Variants in PTPRD observed in about 807,000 individuals in gnomAD.
The protein encoded by PTPRD is receptor-type tyrosine-protein phosphatase delta.
In PTPRD, 34 loss-of-function variants were observed where a neutral mutation model predicts 214.5. The ratio of observed to expected loss-of-function variants is 0.16; its 90% CI spans 0.12 to 0.21. The LOEUF is 0.21. Among genes scored for constraint, PTPRD ranks in the 10% least tolerant of loss-of-function variants. The pLI is 1.00. For synonymous variants in PTPRD, 1,128 were observed against 845.7 expected (o/e 1.33, Z -5.79); for missense variants, 2,545 against 2,398.7 (o/e 1.06, Z -1.27).
At chr9:9,088,472 C>T (rs558365768) in intron 10 of PTPRD, among the ~76,000 whole-genome samples, 39 of 145,654 alleles carry the variant, frequency 2.7e-4, no homozygotes, top group East Asian at 6.5e-4. Flanking sequence ...CCCAGCTACT[C>T]GGGAGGATGA....
At chr9:10,108,421 TTCTG>T (rs1184621600) in intron 3 of PTPRD, among the ~76,000 whole-genome samples, 4 of 152,060 alleles carry the variant, frequency 2.6e-5, no homozygotes, top group Non-Finnish European at 5.9e-5. Flanking sequence ...AACTAATTCC[TTCTG>T]TCTAACTGAA....
At chr9:9,731,089 G>T (rs1370283215) in intron 7 of PTPRD, among the ~76,000 whole-genome samples, 1 of 152,084 alleles carries the variant, frequency 6.6e-6, no homozygotes, top group East Asian at 1.9e-4. Flanking sequence ...GCTGCAATAA[G>T]ATTTTCTGTA....
At chr9:10,208,591 T>G (rs2099498348) in intron 3 of PTPRD, among the ~76,000 whole-genome samples, 1 of 152,336 alleles carries the variant, frequency 6.6e-6, no homozygotes, top group Middle Eastern at 3.4e-3. Context: ...TTCACTGCAG[T>G]TTTATCCAGA....
intron 11 of PTPRD, among the ~76,000 whole-genome samples, chr9:8,984,189 A>C (rs1160204073): frequency 6.6e-6 from 1 of 152,082 alleles, no homozygotes; most frequent in Non-Finnish European, 1.5e-5. Flanking sequence ...GAGATATTAA[A>C]TGTATTAAAT....
At chr9:8,729,258 T>A (rs1304523943) in intron 12 of PTPRD, among the ~76,000 whole-genome samples, 1 of 152,208 alleles carries the variant, frequency 6.6e-6, no homozygotes, top group Admixed American at 6.5e-5. Context: ...AGCCTTTTTT[T>A]AACCACTTTA....
At chr9:9,074,651 T>C (rs144355460) in intron 10 of PTPRD, among the ~76,000 whole-genome samples, 6 of 152,228 alleles carry the variant, frequency 3.9e-5, no homozygotes, top group Admixed American at 3.3e-4. Context: ...GTTTGCCATT[T>C]GTATGTCTTC....
chr9:8,711,735 T>C (rs1417145029), intron 12 of PTPRD, among the ~76,000 whole-genome samples: 1 of 152,180 alleles, frequency 6.6e-6, no homozygotes, highest in South Asian at 2.1e-4. Flanking sequence ...AGAAAGTCCA[T>C]AAACCACCAC....
intron 5 of PTPRD, among the ~76,000 whole-genome samples, chr9:9,891,734 A>G (rs1177484683): frequency 6.6e-6 from 1 of 152,132 alleles, no homozygotes; most frequent in Non-Finnish European, 1.5e-5. Context: ...TGTTTTAAGA[A>G]TAGTATGACT....
chr9:9,107,864 G>A (rs1031199305), intron 10 of PTPRD, among the ~76,000 whole-genome samples: 1 of 152,016 alleles, frequency 6.6e-6, no homozygotes, highest in Non-Finnish European at 1.5e-5. Flanking sequence ...CAACTTACAT[G>A]CCTTTATTTG....
At chr9:10,269,578 T>C (rs2094302570) in intron 3 of PTPRD, among the ~76,000 whole-genome samples, 1 of 152,184 alleles carries the variant, frequency 6.6e-6, no homozygotes. Flanking sequence ...CTAGTAAGAC[T>C]GTAAGCTGCT....
intron 9 of PTPRD, among the ~76,000 whole-genome samples, chr9:9,332,706 G>A (rs1397273961): frequency 1.3e-5 from 2 of 151,696 alleles, no homozygotes; most frequent in African/African-American, 2.4e-5. Flanking sequence ...GTTCACAGCT[G>A]TGCTTATACT....
At chr9:9,572,600 T>G in intron 8 of PTPRD, among the ~76,000 whole-genome samples, 1 of 146,200 alleles carries the variant, frequency 6.8e-6, no homozygotes, top group South Asian at 2.1e-4. Context: ...TATGTATATG[T>G]GTATATATAT....
chr9:9,519,508 G>T (rs1380117449), intron 8 of PTPRD, among the ~76,000 whole-genome samples: 1 of 151,868 alleles, frequency 6.6e-6, no homozygotes, highest in African/African-American at 2.4e-5. Flanking sequence ...AATAAAAGAA[G>T]AACATAGCTT....
intron 34 of PTPRD, among the ~76,000 whole-genome samples, chr9:8,445,436 C>T (rs963836986): frequency 8.5e-5 from 13 of 152,222 alleles, no homozygotes; most frequent in Admixed American, 7.2e-4. Flanking sequence ...TGGGCTTCCC[C>T]GACCTGTTCA....
chr9:10,041,844 C>A (rs2154143064), intron 3 of PTPRD, among the ~76,000 whole-genome samples: 1 of 152,108 alleles, frequency 6.6e-6, no homozygotes, highest in South Asian at 2.1e-4. Flanking sequence ...TATGCTGTAT[C>A]CCATTAGGAG....
chr9:10,133,900 C>A (rs976585255), intron 3 of PTPRD, among the ~76,000 whole-genome samples: 2 of 152,050 alleles, frequency 1.3e-5, no homozygotes, highest in African/African-American at 2.4e-5. Flanking sequence ...AGTTTAACTA[C>A]TTTTTTCATA....
chr9:9,218,891 T>C (rs1027032849), intron 9 of PTPRD, among the ~76,000 whole-genome samples: 4 of 152,086 alleles, frequency 2.6e-5, no homozygotes, highest in African/African-American at 9.7e-5. Context: ...GGCATTGTCT[T>C]GGTATTCCTT....
At chr9:9,014,777 C>A (rs2099527472) in intron 11 of PTPRD, among the ~76,000 whole-genome samples, 1 of 152,058 alleles carries the variant, frequency 6.6e-6, no homozygotes, top group Non-Finnish European at 1.5e-5. Context: ...ACTTAAAACA[C>A]GATGTTTAGA....
chr9:10,182,734 T>C (rs1593381306), intron 3 of PTPRD, among the ~76,000 whole-genome samples: 1 of 152,254 alleles, frequency 6.6e-6, no homozygotes. Flanking sequence ...AAGTTATAAA[T>C]AGAGAGGCAG....
Sources: gnomAD v4.1 joint callset for allele counts (sites outside exome capture counted in the v4.1 genomes callset) on GRCh38, gnomAD v4.1.1 for gene constraint, MANE v1.5 for transcripts, NCBI Gene and HGNC (gene_info 2026-07-23, HGNC 2026-07-21) for gene names.